The following FBXO9 variants were observed in gnomAD, a reference collection of about 807,000 sequenced individuals.
FBXO9 encodes the protein F-box protein 9, also known as F-box only protein 9.
In FBXO9, 43 loss-of-function variants were observed where a neutral mutation model predicts 63.7. That is an observed-to-expected ratio of 0.67 (90% CI 0.53 to 0.87). The LOEUF (loss-of-function observed/expected upper bound fraction) is 0.87. Ranked by LOEUF, FBXO9 falls within the 40% of genes least tolerant of loss-of-function variation. The pLI is 0.00. For synonymous variants in FBXO9, 156 were observed against 171.7 expected (o/e 0.91, Z 0.72); for missense variants, 442 against 533.2 (o/e 0.83, Z 1.68).
intron 7 of FBXO9, among the ~76,000 whole-genome samples, chr6:53,083,489 G>T (rs1222545755): frequency 6.6e-6 from 1 of 152,054 alleles, no homozygotes; most frequent in African/African-American, 2.4e-5. Context: ...AACTATTCAG[G>T]GAAACAAAAG....
At chr6:53,069,806 G>A (rs914077329) in intron 1 of FBXO9, among the ~76,000 whole-genome samples, 2 of 151,930 alleles carry the variant, frequency 1.3e-5, no homozygotes, top group African/African-American at 4.8e-5. Context: ...ATGACATCTT[G>A]AGAAATATGA....
intron 3 of FBXO9, among the ~76,000 whole-genome samples, chr6:53,075,893 G>A (rs892204004): frequency 6.6e-6 from 1 of 151,514 alleles, no homozygotes; most frequent in Non-Finnish European, 1.5e-5. Flanking sequence ...GTAGACGTGT[G>A]CCACCACAAC....
chr6:53,079,045 A>G (rs1481865260), intron 5 of FBXO9, 147 bp downstream of exon 5: 2 of 321,394 alleles, frequency 6.2e-6, no homozygotes, highest in Non-Finnish European at 1.0e-5. Context: ...AAATTTTTTA[A>G]TTAGGGAAAT....
chr6:53,083,183 A>T lies in FBXO9; in HGVS notation c.653+565A>T, dbSNP rs560280728. Among the ~76,000 whole-genome samples, 5 of 152,324 alleles carry T rather than the reference A, an allele frequency of 3.3e-5. No individual in the cohort carries two copies. In the East Asian group the frequency reaches 9.6e-4, roughly 29 times the overall value. ...TTAAATGTAAAACCTAAAACTATATACTTAGTCCTTATATAGAATTTTTAA... is the reference window on the plus strand; with the variant it reads ...TTAAATGTAAAACCTAAAACTATATTCTTAGTCCTTATATAGAATTTTTAA... On this transcript the variant is annotated intron_variant, in intron 7 of 12. Coordinates refer to ENST00000323557, the MANE Select transcript of FBXO9 (RefSeq NM_033480.3).
rs531424555 is a variant in FBXO9 at position 53,096,762 on chromosome 6, G to A, written c.1206-960G>A. 3.8e-4 allele frequency among the ~76,000 whole-genome samples: 58 copies of A among 152,174 alleles called. No individual in the cohort carries two copies. In the South Asian group the frequency reaches 0.011, roughly 28 times the overall value. ...TCTACAAAAAATAAAAATATTTGCC[G>A]GGCATGGTGGTATGCATCTTGAAGT... On this transcript the variant is annotated intron_variant, in intron 12 of 12. Transcript: ENST00000323557.
At chr6:53,094,020 A>AGG (rs1763130464) in intron 11 of FBXO9, 42 bp downstream of exon 11, 2 of 1,285,570 alleles carry the variant, frequency 1.6e-6, no homozygotes, top group African/African-American at 3.0e-5. Flanking sequence ...TTATCTTAAT[A>AGG]GCCTATTCAT....
At chr6:53,077,828 G>C (rs953939077) in intron 4 of FBXO9, among the ~76,000 whole-genome samples, 3 of 152,108 alleles carry the variant, frequency 2.0e-5, no homozygotes, top group Non-Finnish European at 2.9e-5. Flanking sequence ...CTTAGTGTAT[G>C]GTGTAATTCA....
At chr6:53,090,191 A>G (rs1023161087) in intron 7 of FBXO9, among the ~76,000 whole-genome samples, 1 of 152,184 alleles carries the variant, frequency 6.6e-6, no homozygotes, top group Non-Finnish European at 1.5e-5. Context: ...TATTTTTTGT[A>G]TAAGGTTTAA....
intron 9 of FBXO9, 93 bp downstream of exon 9, chr6:53,092,917 G>T: frequency 1.4e-6 from 1 of 735,700 alleles, no homozygotes; most frequent in Non-Finnish European, 2.1e-6. Context: ...TGATTGACCC[G>T]CAAAATGGCC....
rs1034130034 is a variant in FBXO9, at chr6:53,078,697, G to A, written c.308-102G>A. The A allele has an allele frequency of 1.1e-5, 9 of 803,904 alleles. No individual in the cohort carries two copies. In the East Asian group the frequency reaches 1.3e-4, roughly 12 times the overall value. The allele number at this position is 803,904 out of a possible 1,614,324, so 49.8% of individuals were successfully genotyped here. The stretch of plus-strand genomic sequence containing the variant: ...GCATGTAGAAAAACAGAATTTGGCC[G>A]TTTGTAAAGAAAGTTACCAAATTAA... On this transcript the variant is annotated intron_variant, in intron 4 of 12. Transcript: ENST00000323557.
Position 53,073,580 on chromosome 6 carries a change from T to C in FBXO9, c.190T>C (p.Ser64Pro), listed in dbSNP as rs199921575. 38 of 1,610,810 alleles carry C rather than the reference T, an allele frequency of 2.4e-5. No homozygotes were observed. The highest frequency in any genetic ancestry group is 3.0e-5 in the Non-Finnish European group (35 of 1,178,316). ...TCGACCTTGCAGAGCAGCAAGAGGC[T>C]CTCTCCAGAAAACATCGGCAGATAC... Reference protein sequence around the residue: ...ENRPCRAARGSLQKTSADTKG... With the variant: ...ENRPCRAARGPLQKTSADTKG... The change falls in exon 3 of 13, where the codon TCT (serine) becomes CCT (proline). Residue 64 changes from serine to proline, a missense_variant. Around this residue, in one of 2 missense-constraint regions of FBXO9, gnomAD observed 180 missense variants for 171.1 expected, o/e 1.05. Transcript: ENST00000323557.
chr6:53,069,659 C>G (rs1028034360), intron 1 of FBXO9, among the ~76,000 whole-genome samples: 2 of 152,130 alleles, frequency 1.3e-5, no homozygotes, highest in Non-Finnish European at 2.9e-5. Flanking sequence ...TACAGAAAAA[C>G]GACCCAGTTT....
At chr6:53,084,606 A>G (rs1769420585) in intron 7 of FBXO9, among the ~76,000 whole-genome samples, 1 of 152,228 alleles carries the variant, frequency 6.6e-6, no homozygotes, top group African/African-American at 2.4e-5. Context: ...TGTGTGGCTC[A>G]TATATCAGGC....
intron 4 of FBXO9, among the ~76,000 whole-genome samples, chr6:53,078,496 G>T (rs1176571910): frequency 1.3e-5 from 2 of 152,098 alleles, no homozygotes; most frequent in Non-Finnish European, 2.9e-5. Flanking sequence ...TATAGCAATT[G>T]CATCTTCAGA....
chr6:53,085,632 G>C (rs1415659900), intron 7 of FBXO9, among the ~76,000 whole-genome samples: 3 of 150,874 alleles, frequency 2.0e-5, no homozygotes, highest in Non-Finnish European at 4.4e-5. Flanking sequence ...GAAAATATTT[G>C]ACATAATAGA....
At chr6:53,076,425 C>T in intron 3 of FBXO9, 61 bp from the exon 4 acceptor site, 1 of 1,037,394 alleles carries the variant, frequency 9.6e-7, no homozygotes, top group African/African-American at 1.7e-5. Context: ...GGCTCTCCTT[C>T]TGCCATCCAT....
Position 53,099,107 on chromosome 6 carries a change from C to A in FBXO9, c.*1277C>A, listed in dbSNP as rs72936966. 6.6e-6 allele frequency: 1 copy of A among 152,084 alleles called. No homozygotes were observed. The highest frequency in any genetic ancestry group is 2.4e-5 in the African/African-American group (1 of 41,348). 9.4% of individuals were successfully genotyped at this position (152,084 alleles called of 1,614,324 possible). A position where few individuals can be genotyped will look rare whatever the true frequency, so the allele number is the denominator to read the frequency against. On this transcript the variant is annotated 3_prime_UTR_variant, in exon 13 of 13. Coordinates refer to ENST00000323557, the MANE Select transcript of FBXO9 (RefSeq NM_033480.3). ...AGGCTTTTTAAAAAGCACATACAGACCAGGCGTGGTGGCTCATGCCTATAA... is the reference window on the plus strand; with the variant it reads ...AGGCTTTTTAAAAAGCACATACAGAACAGGCGTGGTGGCTCATGCCTATAA...
chr6:53,092,694 G>C, intron 8 of FBXO9, 40 bp from the exon 9 acceptor site: 1 of 1,485,724 alleles, frequency 6.7e-7, no homozygotes, highest in Non-Finnish European at 9.3e-7. Flanking sequence ...GGGAATATCT[G>C]AATATTATAA....
chr6:53,088,694 G>A (rs1044241177), intron 7 of FBXO9, among the ~76,000 whole-genome samples: 14 of 151,558 alleles, frequency 9.2e-5, no homozygotes, highest in African/African-American at 3.2e-4. Context: ...CGCCTTGCGG[G>A]TTCAGGCGAT....
Sources: allele counts gnomAD v4.1 joint callset (sites outside exome capture counted in the v4.1 genomes callset), GRCh38; gene constraint gnomAD v4.1.1; regional missense constraint gnomAD v4.1.1; transcripts MANE v1.5; gene names NCBI Gene and HGNC (gene_info 2026-07-23, HGNC 2026-07-21).